The following SPOCK3 variants were observed in gnomAD, a reference collection of about 807,000 sequenced individuals.
SPOCK3 encodes SPARC (osteonectin), cwcv and kazal like domains proteoglycan 3, also known as testican-3.
Under a neutral mutation model 56.6 loss-of-function variants are expected in SPOCK3, and 30 were observed. The ratio of observed to expected loss-of-function variants is 0.53; its 90% CI spans 0.40 to 0.72. The LOEUF (loss-of-function observed/expected upper bound fraction) is 0.72. Ranked by LOEUF, SPOCK3 falls within the 30% of genes least tolerant of loss-of-function variation. SPOCK3 has a pLI of 0.00. For missense variants in SPOCK3, 527 were observed against 530.0 expected, an observed-to-expected ratio of 0.99 and a Z score of 0.06; for synonymous variants, 196 against 183.3, an observed-to-expected ratio of 1.07 and a Z score of -0.56.
At chr4:167,015,106 C>T (rs1340814890) in intron 3 of SPOCK3, among the ~76,000 whole-genome samples, 1 of 151,860 alleles carries the variant, frequency 6.6e-6, no homozygotes, top group African/African-American at 2.4e-5. Context: ...TCAGTTCTAC[C>T]CCATTCACAG....
chr4:166,823,598 A>T (rs1363897202), intron 6 of SPOCK3, among the ~76,000 whole-genome samples: 2 of 152,102 alleles, frequency 1.3e-5, no homozygotes, highest in Admixed American at 1.3e-4. Context: ...CAGCACTGTG[A>T]TCCTGCAGCA....
At chr4:167,124,937 T>C (rs1183178517) in intron 2 of SPOCK3, among the ~76,000 whole-genome samples, 2 of 152,154 alleles carry the variant, frequency 1.3e-5, no homozygotes, top group African/African-American at 4.8e-5. Context: ...TGCTTGAATG[T>C]CCTCCCTCGG....
chr4:166,786,925 A>G lies in SPOCK3; in HGVS notation c.709+5245T>C, dbSNP rs1370731558. 2.0e-5 allele frequency among the ~76,000 whole-genome samples: 3 copies of G among 152,140 alleles called. No homozygotes were observed. The East Asian group carries it at 5.8e-4, about 29-fold the overall frequency. Reference sequence around the variant, plus strand: ...AATTTTTAAGATTATTTAAGGAGATAAAGTATTGACAAAGAAGACACATGT... The same window carrying G: ...AATTTTTAAGATTATTTAAGGAGATGAAGTATTGACAAAGAAGACACATGT... On this transcript the variant is annotated intron_variant, in intron 7 of 10. Coordinates refer to ENST00000357545, the MANE Select transcript of SPOCK3 (RefSeq NM_001040159.2).
chr4:166,746,951 G>T (rs1022201522), intron 8 of SPOCK3, among the ~76,000 whole-genome samples: 1 of 152,228 alleles, frequency 6.6e-6, no homozygotes, highest in East Asian at 1.9e-4. Flanking sequence ...TTGAATCCCT[G>T]AATAGACCAA....
intron 5 of SPOCK3, 35 bp downstream of exon 5, chr4:166,912,585 C>T (rs772353166): frequency 2.5e-6 from 4 of 1,605,256 alleles, no homozygotes; most frequent in Non-Finnish European, 3.4e-6. Context: ...GTATGCATCC[C>T]TTATTTCAAA....
chr4:166,984,061 T>C (rs1257029367), intron 4 of SPOCK3, among the ~76,000 whole-genome samples: 1 of 152,060 alleles, frequency 6.6e-6, no homozygotes, highest in Non-Finnish European at 1.5e-5. Context: ...CCTTCATCAA[T>C]ATGCTAATCA....
chr4:166,755,538 G>A (rs1736956562), intron 7 of SPOCK3, among the ~76,000 whole-genome samples: 1 of 152,010 alleles, frequency 6.6e-6, no homozygotes, highest in Admixed American at 6.6e-5. Context: ...CTTATTTTGA[G>A]GGATTCAGTG....
At chr4:167,229,065 T>TTATAATCTC (rs1736876285) in intron 2 of SPOCK3, among the ~76,000 whole-genome samples, 4 of 152,104 alleles carry the variant, frequency 2.6e-5, no homozygotes, top group Non-Finnish European at 5.9e-5. Flanking sequence ...TACAGTGAAA[T>TTATAATCTC]ATAGGTAATT....
At chr4:166,901,970 A>C (rs571399440) in intron 5 of SPOCK3, among the ~76,000 whole-genome samples, 26 of 152,244 alleles carry the variant, frequency 1.7e-4, no homozygotes, top group Admixed American at 7.2e-4. Context: ...AGAAGCCAAG[A>C]TATGGAAACA....
intron 7 of SPOCK3, among the ~76,000 whole-genome samples, chr4:166,789,808 G>T (rs2126646789): frequency 6.6e-6 from 1 of 152,272 alleles, no homozygotes; most frequent in Non-Finnish European, 1.5e-5. Context: ...GCAGGGAAAA[G>T]TTAACTCTCA....
At chr4:166,739,059 T>C (rs1409384081) in intron 9 of SPOCK3, among the ~76,000 whole-genome samples, 31 of 152,018 alleles carry the variant, frequency 2.0e-4, no homozygotes, top group Admixed American at 2.0e-3. Context: ...ACTTCCACAA[T>C]GGTTGAACTA....
At chr4:167,172,460 ACAAC>A (rs1284241515) in intron 2 of SPOCK3, among the ~76,000 whole-genome samples, 2 of 152,198 alleles carry the variant, frequency 1.3e-5, no homozygotes, top group African/African-American at 4.8e-5. Flanking sequence ...ATATAAACTG[ACAAC>A]CAACCATTCA....
intron 4 of SPOCK3, among the ~76,000 whole-genome samples, chr4:166,954,464 T>G (rs1743135175): frequency 6.6e-6 from 1 of 152,162 alleles, no homozygotes; most frequent in African/African-American, 2.4e-5. Flanking sequence ...TTTATCCCAT[T>G]TAAGTTTATT....
At chr4:167,167,184 A>G (rs1730043416) in intron 2 of SPOCK3, among the ~76,000 whole-genome samples, 1 of 152,166 alleles carries the variant, frequency 6.6e-6, no homozygotes, top group Non-Finnish European at 1.5e-5. Flanking sequence ...ACAAAGAATG[A>G]GATCATCAAT....
In SPOCK3 at chr4:166,990,136, A is replaced by G. The variant is rs545960460; in HGVS notation, c.350+10213T>C. On this transcript the variant is annotated intron_variant, in intron 4 of 10. Coordinates refer to ENST00000357545, the MANE Select transcript of SPOCK3 (RefSeq NM_001040159.2). Reference sequence around the variant, plus strand: ...GTACCTGCCCTGGCAGGCACTTTCCAGAAACAAGTCTACCCTGTGAAAGAG... The same window carrying G: ...GTACCTGCCCTGGCAGGCACTTTCCGGAAACAAGTCTACCCTGTGAAAGAG... 1.2e-4 allele frequency among the ~76,000 whole-genome samples: 18 copies of G among 152,350 alleles called. No individual in the cohort carries two copies. In the East Asian group the frequency reaches 3.1e-3, roughly 26 times the overall value.
intron 6 of SPOCK3, among the ~76,000 whole-genome samples, chr4:166,826,381 A>G (rs1052072842): frequency 2.0e-5 from 3 of 152,242 alleles, no homozygotes; most frequent in Non-Finnish European, 2.9e-5. Context: ...ATAATGGTGC[A>G]TCATCTGTTC....
intron 2 of SPOCK3, among the ~76,000 whole-genome samples, chr4:167,106,643 A>C (rs889539233): frequency 6.6e-6 from 1 of 151,698 alleles, no homozygotes; most frequent in Non-Finnish European, 1.5e-5. Flanking sequence ...AAAAATAATA[A>C]AGATTAAAGC....
chr4:167,135,240 C>T (rs2150388865), intron 2 of SPOCK3, among the ~76,000 whole-genome samples: 1 of 151,970 alleles, frequency 6.6e-6, no homozygotes, highest in East Asian at 1.9e-4. Flanking sequence ...TCTGAAAATG[C>T]ATACATAGAA....
intron 4 of SPOCK3, among the ~76,000 whole-genome samples, chr4:166,991,813 A>G (rs75313086): frequency 1.0e-3 from 152 of 152,292 alleles, no homozygotes; most frequent in African/African-American, 3.6e-3. Context: ...CACACTCTGG[A>G]GGTTGTTTGA....
Sources: gnomAD v4.1 joint callset for allele counts (sites outside exome capture counted in the v4.1 genomes callset) on GRCh38, gnomAD v4.1.1 for gene constraint, MANE v1.5 for transcripts, NCBI Gene and HGNC (gene_info 2026-07-23, HGNC 2026-07-21) for gene names.